The following SATL1 variants were observed in gnomAD, a reference collection of about 807,000 sequenced individuals.
SATL1 encodes spermidine/spermine N1-acetyl transferase like 1, also known as spermidine/spermine N(1)-acetyltransferase-like protein 1.
A neutral mutation model predicts 51.8 loss-of-function variants in SATL1; 47 were observed. The ratio of observed to expected loss-of-function variants is 0.91; its 90% CI spans 0.72 to 1.16. The LOEUF (loss-of-function observed/expected upper bound fraction) is 1.16, where lower values mean the gene tolerates loss of function less well. Ranked by LOEUF, SATL1 falls within the 50% of genes most tolerant of loss-of-function variation. The probability of loss-of-function intolerance (pLI) is 0.00; values close to 1 mark genes in which losing one functional copy is unlikely to be tolerated. For synonymous variants in SATL1, 176 were observed against 182.4 expected (o/e 0.97, Z 0.28); for missense variants, 520 against 526.4 (o/e 0.99, Z 0.12).
intron 2 of SATL1, among the ~76,000 whole-genome samples, chrX:85,132,922 G>A (rs1229241238): frequency 2.7e-5 from 3 of 111,905 alleles, no homozygotes; most frequent in Non-Finnish European, 5.6e-5. Flanking sequence ...TCAGCTGCAG[G>A]TCTGTTGGAG....
chrX:85,217,696 A>T (rs1214506111), intron 2 of SATL1, among the ~76,000 whole-genome samples: 1 of 111,764 alleles, frequency 8.9e-6, no homozygotes, highest in East Asian at 2.8e-4. Flanking sequence ...GTTAGATATC[A>T]AATCCAAAAG....
At chrX:85,195,864 G>C in intron 2 of SATL1, among the ~76,000 whole-genome samples, 1 of 110,382 alleles carries the variant, frequency 9.1e-6, no homozygotes, top group Middle Eastern at 4.8e-3. Flanking sequence ...AAAACGTTGA[G>C]AGCACGTTCA....
chrX:85,237,348 A>G (rs1375069770), intron 1 of SATL1, among the ~76,000 whole-genome samples: 1 of 111,498 alleles, frequency 9.0e-6, no homozygotes, highest in African/African-American at 3.3e-5. Flanking sequence ...ATTAAAATAG[A>G]CACATAAATT....
chrX:85,095,586 G>A, intron 4 of SATL1, among the ~76,000 whole-genome samples: 1 of 56,825 alleles, frequency 1.8e-5, no homozygotes, highest in East Asian at 5.7e-4. Flanking sequence ...CAGCACTTTG[G>A]GAGGCCGAGG....
intron 1 of SATL1, among the ~76,000 whole-genome samples, chrX:85,229,365 G>T (rs1928334914): frequency 9.0e-6 from 1 of 111,532 alleles, no homozygotes; most frequent in Non-Finnish European, 1.9e-5. Context: ...TCTGAGAAAA[G>T]AAAACTGAAG....
At chrX:85,144,844 C>G (rs185992548) in intron 2 of SATL1, among the ~76,000 whole-genome samples, 3 of 110,732 alleles carry the variant, frequency 2.7e-5, no homozygotes, top group East Asian at 2.8e-4. Context: ...CTGGGCAACA[C>G]AGTGAGACCC....
intron 2 of SATL1, chrX:85,209,497 C>G (rs1490960932): frequency 9.0e-6 from 1 of 111,708 alleles, no homozygotes; most frequent in Non-Finnish European, 1.9e-5. Flanking sequence ...ATTGATTCTT[C>G]CTATCCATGA....
chrX:85,123,512 G>C (rs771680227), intron 2 of SATL1, among the ~76,000 whole-genome samples: 1 of 111,534 alleles, frequency 9.0e-6, no homozygotes, highest in African/African-American at 3.2e-5. Flanking sequence ...CGGGGGTGTT[G>C]TTTGTTTTTT....
At chrX:85,204,317 T>A (rs1295203209) in intron 2 of SATL1, among the ~76,000 whole-genome samples, 4 of 112,092 alleles carry the variant, frequency 3.6e-5, no homozygotes, top group Non-Finnish European at 7.5e-5. Context: ...GATGTTTCAG[T>A]TGAAGGTGTT....
intron 2 of SATL1, among the ~76,000 whole-genome samples, chrX:85,172,351 C>T (rs1926990456): frequency 9.0e-6 from 1 of 111,254 alleles, no homozygotes; most frequent in Non-Finnish European, 1.9e-5. Context: ...TGTCAAATAA[C>T]ACAAACAGTT....
At chrX:85,177,783 C>A (rs1015442035) in intron 2 of SATL1, among the ~76,000 whole-genome samples, 1 of 111,564 alleles carries the variant, frequency 9.0e-6, no homozygotes, top group African/African-American at 3.2e-5. Context: ...AAAGGCAGAA[C>A]CAAAACTAAT....
intron 2 of SATL1, among the ~76,000 whole-genome samples, chrX:85,136,973 TACTTGA>T (rs1476066084): frequency 9.0e-6 from 1 of 111,383 alleles, no homozygotes; most frequent in Non-Finnish European, 1.9e-5. Flanking sequence ...TCACTGAAAA[TACTTGA>T]ACATGTTTAA....
In SATL1 at chrX:85,168,486, G is replaced by A. The variant is rs138800400; in HGVS notation, c.-313+55719C>T. ...TTAGCATTCCTATACACCAAAAACGGTCAAGCTGAGAGCCAAATCAGGAAT... is the reference window on the plus strand; with the variant it reads ...TTAGCATTCCTATACACCAAAAACGATCAAGCTGAGAGCCAAATCAGGAAT... On this transcript the variant is annotated intron_variant, in intron 2 of 7. Coordinates refer to ENST00000644105, the MANE Select transcript of SATL1 (RefSeq NM_001367857.2). Among the ~76,000 whole-genome samples, 752 of 111,161 alleles carry A rather than the reference G, an allele frequency of 6.8e-3. 21 individuals are homozygous for A. The highest frequency in any genetic ancestry group is 0.063 in the East Asian group (220 of 3,512).
At chrX:85,102,927 C>CATTTCAG (rs2147686554) in intron 4 of SATL1, among the ~76,000 whole-genome samples, 1 of 111,324 alleles carries the variant, frequency 9.0e-6, no homozygotes, top group East Asian at 2.8e-4. Flanking sequence ...GATTTTGGAG[C>CATTTCAG]ATTTCAGATT....
chrX:85,132,596 G>A (rs906767796), intron 2 of SATL1, among the ~76,000 whole-genome samples: 10 of 111,483 alleles, frequency 9.0e-5, no homozygotes, highest in Non-Finnish European at 1.9e-4. Context: ...GGTTTCAAAC[G>A]TCCTCCTTTA....
At chrX:85,137,636 C>A (rs112164694) in intron 2 of SATL1, among the ~76,000 whole-genome samples, 4,648 of 111,237 alleles carry the variant, frequency 0.042, 263 homozygotes, top group African/African-American at 0.15. Flanking sequence ...CTAGGTATAG[C>A]GTTTTTGGTA....
At chrX:85,121,255 G>T (rs1483768480) in intron 2 of SATL1, among the ~76,000 whole-genome samples, 1 of 105,973 alleles carries the variant, frequency 9.4e-6, no homozygotes, top group African/African-American at 3.4e-5. Flanking sequence ...TTTATTTTTT[G>T]TGGGTACACA....
intron 1 of SATL1, among the ~76,000 whole-genome samples, chrX:85,242,590 G>C (rs1924560358): frequency 1.8e-5 from 2 of 112,128 alleles, no homozygotes; most frequent in East Asian, 5.6e-4. Context: ...ATCTCTCCCT[G>C]GAACTCAAAA....
At chrX:85,092,639 T>A (rs781211117) in intron 7 of SATL1, 78 bp from the exon 8 acceptor site, 69 of 930,997 alleles carry the variant, frequency 7.4e-5, no homozygotes, top group Non-Finnish European at 1.0e-4. Context: ...TTATTGAAGG[T>A]CTACTCTATG....
Sources: allele counts gnomAD v4.1 joint callset (sites outside exome capture counted in the v4.1 genomes callset), GRCh38; gene constraint gnomAD v4.1.1; transcripts MANE v1.5; gene names NCBI Gene and HGNC (gene_info 2026-07-23, HGNC 2026-07-21).